ADGRB1: variants seen among roughly 807,000 people sequenced by gnomAD.
ADGRB1 encodes brain-specific angiogenesis inhibitor 1.
In ADGRB1, 36 loss-of-function variants were observed where a neutral mutation model predicts 175.7. The observed-to-expected ratio is 0.20, with a 90% CI of 0.16 to 0.27. The LOEUF is 0.27. Among genes scored for constraint, ADGRB1 ranks in the 10% least tolerant of loss-of-function variants. The probability of loss-of-function intolerance (pLI) is 1.00; values close to 1 mark genes in which losing one functional copy is unlikely to be tolerated. For missense variants in ADGRB1, 1,731 were observed against 2,255.3 expected (o/e 0.77, Z 4.71); for synonymous variants, 1,054 against 979.4 (o/e 1.08, Z -1.42).
intron 27 of ADGRB1, among the ~76,000 whole-genome samples, chr8:142,541,740 A>AC (rs1845282348): frequency 6.6e-6 from 1 of 151,990 alleles, no homozygotes. Context: ...GGACACAGGA[A>AC]CCCTAGGGGC....
rs1845390490 is a variant in ADGRB1 at position 142,543,313 on chromosome 8, G to T, written c.4414-90G>T. 6.5e-7 allele frequency: 1 copy of T among 1,543,146 alleles called. No individual in the cohort carries two copies. ...CCCTGAAGGCAGGCATGGGGCGAGT[G>T]AGTCCCTGATGCCCTCAGTCTGAGG... On this transcript the variant is annotated intron_variant, in intron 28 of 30. Transcript: ENST00000517894. This position sits in a 1 kb window ranked among gnomAD's most constrained non-coding sequence, Gnocchi z 4.4.
intron 24 of ADGRB1, among the ~76,000 whole-genome samples, chr8:142,530,231 C>T (rs553469041): frequency 5.3e-5 from 8 of 151,344 alleles, no homozygotes; most frequent in South Asian, 2.1e-4. Context: ...TGTGTGAATG[C>T]GTGTGTGTGT....
chr8:142,461,055 G>C (rs1031829200), intron 1 of ADGRB1, among the ~76,000 whole-genome samples: 1 of 152,224 alleles, frequency 6.6e-6, no homozygotes, highest in Non-Finnish European at 1.5e-5. Flanking sequence ...CAGGGCCCTA[G>C]GGGATGCCAG....
At chr8:142,489,197 A>G (rs1841863987) in intron 15 of ADGRB1, 87 bp downstream of exon 15, 5 of 1,546,756 alleles carry the variant, frequency 3.2e-6, no homozygotes, top group Non-Finnish European at 4.4e-6. Flanking sequence ...GGGGGAGGCC[A>G]GGGGGCCTGG....
chr8:142,530,456 G>T lies in ADGRB1; in HGVS notation c.3399-2839G>T, dbSNP rs191354050. On this transcript the variant is annotated intron_variant, in intron 24 of 30. Coordinates refer to ENST00000517894, the MANE Select transcript of ADGRB1 (RefSeq NM_001702.3). The stretch of plus-strand genomic sequence containing the variant: ...CCTGCCTCCCTCAACCCAAGGTGAG[G>T]GTGGTGCGCCCAGGTGCATACCCCT... Among the ~76,000 whole-genome samples the T allele has an allele frequency of 3.8e-3, 576 of 152,264 alleles. 1 individual carries two copies. Among genetic ancestry groups the T allele is most frequent in the Non-Finnish European group, 5.1e-3 (346 of 68,000 alleles).
At position 142,454,722 on chromosome 8, in the gene ADGRB1, C is replaced by G. The variant is rs563291130; in HGVS notation, c.-220+4618C>G. Among the ~76,000 whole-genome samples the G allele has an allele frequency of 4.6e-5, 7 of 152,238 alleles. No homozygotes were observed. In the South Asian group the frequency reaches 1.2e-3, roughly 27 times the overall value. On this transcript the variant is annotated intron_variant, in intron 1 of 30. Coordinates refer to ENST00000517894, the MANE Select transcript of ADGRB1 (RefSeq NM_001702.3). ...GTTAAGGTGAGGATCCCCCTTCCCC[C>G]GCAAAGCACATGCCACTGAGGAGGC...
chr8:142,537,834 C>T lies in ADGRB1; in HGVS notation c.3666+752C>T, dbSNP rs1845029215. Among the ~76,000 whole-genome samples the T allele has an allele frequency of 6.6e-6, 1 of 152,192 alleles. No individual in the cohort carries two copies. On this transcript the variant is annotated intron_variant, in intron 26 of 30. Transcript: ENST00000517894. This position sits in a 1 kb window ranked among gnomAD's most constrained non-coding sequence, Gnocchi z 4.6. ...GTGGAGCCTCAACTCTTCCACACCT[C>T]GACCTCAGCATCTTCCTCCTGCAGC...
Position 142,455,431 on chromosome 8 carries a change from A to G in ADGRB1, c.-220+5327A>G, listed in dbSNP as rs1839615722. On this transcript the variant is annotated intron_variant, in intron 1 of 30. Coordinates refer to ENST00000517894, the MANE Select transcript of ADGRB1 (RefSeq NM_001702.3). The surrounding 1 kb of genome is among the most constrained non-coding windows in gnomAD (Gnocchi z 4.9). ...GGCTTGGTCAGGGGAAGGGCACGAC[A>G]GAAGTCCTCTCTGCAGCTTCGCTGT... is the stretch of plus-strand genomic sequence containing the variant. 6.6e-6 allele frequency among the ~76,000 whole-genome samples: 1 copy of G among 152,084 alleles called. No homozygotes were observed.
At chr8:142,486,798 C>T (rs935718955) in intron 13 of ADGRB1, among the ~76,000 whole-genome samples, 1 of 152,192 alleles carries the variant, frequency 6.6e-6, no homozygotes, top group East Asian at 1.9e-4. Context: ...GCAGGAGGAT[C>T]GCTTGAGCCC....
rs887285555 is a variant in ADGRB1 at position 142,510,211 on chromosome 8, C to T, written c.2676-721C>T. ...AACAAGTCCTGTGCTTAAATGCGTG[C>T]TCAGATGAAAAGCGGGGCAGTCGCG... On this transcript the variant is annotated intron_variant, in intron 17 of 30. Coordinates refer to ENST00000517894, the MANE Select transcript of ADGRB1 (RefSeq NM_001702.3). The surrounding 1 kb of genome is among the most constrained non-coding windows in gnomAD (Gnocchi z 6.3). Among the ~76,000 whole-genome samples the T allele has an allele frequency of 6.6e-6, 1 of 152,148 alleles. No homozygotes were observed. The highest frequency in any genetic ancestry group is 2.4e-5 in the African/African-American group (1 of 41,448).
rs923151639 is a variant in ADGRB1 at position 142,492,011 on chromosome 8, C to T, written c.2675+1196C>T. Among the ~76,000 whole-genome samples, 12 of 151,936 alleles carry T rather than the reference C, an allele frequency of 7.9e-5. No individual in the cohort carries two copies. Among genetic ancestry groups the T allele is most frequent in the Admixed American group, 4.6e-4 (7 of 15,260 alleles). ...AGGCAGGCAGGGGCTCAGGGGAGGC[C>T]GCGGCAGGGTGAGGACAGTTAGTGG... On this transcript the variant is annotated intron_variant, in intron 17 of 30. Transcript: ENST00000517894. The surrounding 1 kb of genome is among the most constrained non-coding windows in gnomAD (Gnocchi z 4.4).
At chr8:142,465,004 C>G in intron 2 of ADGRB1, 22 bp downstream of exon 2, 1 of 1,364,032 alleles carries the variant, frequency 7.3e-7, no homozygotes, top group Non-Finnish European at 9.5e-7. Flanking sequence ...GCGGGGAAAC[C>G]TTCGGACAGG....
rs149224782 is a variant in ADGRB1 at position 142,470,098 on chromosome 8, C to T, written c.784+5116C>T. On this transcript the variant is annotated intron_variant, in intron 2 of 30. Coordinates refer to ENST00000517894, the MANE Select transcript of ADGRB1 (RefSeq NM_001702.3). ...CCAAGTGCCACATGGCCACGTCACG[C>T]GTCAGACTCTGCAAACACTCCTCAG... Among the ~76,000 whole-genome samples, 949 of 152,304 alleles carry T rather than the reference C, an allele frequency of 6.2e-3. 4 individuals carry two copies. The highest frequency in any genetic ancestry group is 9.7e-3 in the Non-Finnish European group (662 of 68,024).
Position 142,479,784 on chromosome 8 carries a change from C to G in ADGRB1, c.1818C>G (p.Arg606=), listed in dbSNP as rs1841230441. 6.2e-7 allele frequency: 1 copy of G among 1,611,462 alleles called. No homozygotes were observed. Residue 606 remains arginine (R), a synonymous_variant, in exon 9 of 31, where the codon CGC becomes CGG. Transcript: ENST00000517894. ...AGGTGGCTGCTGTCCGGTGTCCCCG[C>G]AACGCCACAGGTGAGGGCTGGAGAG... ...AGEVAAVRCP[R]NATGLILRRC... is the part of the protein sequence containing the mutation.
Position 142,542,082 on chromosome 8 carries a change from T to G in ADGRB1, c.3848T>G (p.Val1283Gly). The change falls in exon 28 of 31, where the codon GTG (valine) becomes GGG (glycine). Residue 1283 changes from valine to glycine, a missense_variant. This residue lies in a region of ADGRB1 where 301 missense variants were observed against 488.4 expected (regional missense o/e 0.62). Coordinates refer to ENST00000517894, the MANE Select transcript of ADGRB1 (RefSeq NM_001702.3). This position sits in a 1 kb window ranked among gnomAD's most constrained non-coding sequence, Gnocchi z 6.3. ...AATTTCAACAGCCTGCCGGCCAACG[T>G]GTCCAAGCTGCACCTGCACGGCTCA... Reference protein sequence around the residue: ...PTNFNSLPANVSKLHLHGSPR... With the variant: ...PTNFNSLPANGSKLHLHGSPR... 6.2e-7 allele frequency: 1 copy of G among 1,613,116 alleles called. No individual in the cohort carries two copies. Among genetic ancestry groups the G allele is most frequent in the Non-Finnish European group, 8.5e-7 (1 of 1,179,778 alleles).
intron 17 of ADGRB1, among the ~76,000 whole-genome samples, chr8:142,498,934 G>C (rs1241843475): frequency 6.6e-6 from 1 of 152,180 alleles, no homozygotes; most frequent in Non-Finnish European, 1.5e-5. Context: ...CTGTGCCACT[G>C]CCTCCCCGGG....
At chr8:142,532,611 C>T (rs1333232416) in intron 24 of ADGRB1, among the ~76,000 whole-genome samples, 3 of 152,170 alleles carry the variant, frequency 2.0e-5, no homozygotes, top group Admixed American at 1.3e-4. Flanking sequence ...TGTCTCTCCT[C>T]TGCTCCTCCC....
Position 142,492,286 on chromosome 8 carries a change from G to A in ADGRB1, c.2675+1471G>A, listed in dbSNP as rs1046450339. 2.6e-5 allele frequency among the ~76,000 whole-genome samples: 4 copies of A among 152,058 alleles called. No homozygotes were observed. Among genetic ancestry groups the A allele is most frequent in the African/African-American group, 9.7e-5 (4 of 41,390 alleles). On this transcript the variant is annotated intron_variant, in intron 17 of 30. Coordinates refer to ENST00000517894, the MANE Select transcript of ADGRB1 (RefSeq NM_001702.3). This position sits in a 1 kb window ranked among gnomAD's most constrained non-coding sequence, Gnocchi z 4.4. ...CACTGCTCACCACCCTTCCTCCGGC[G>A]GTCACTACCCTCTGATGGGCACTAT...
rs1185876653 is a variant in ADGRB1 at position 142,543,269 on chromosome 8, C to G, written c.4414-134C>G. 2.5e-6 allele frequency: 3 copies of G among 1,187,638 alleles called. No homozygotes were observed. The highest frequency in any genetic ancestry group is 3.6e-6 in the Non-Finnish European group (3 of 829,412). The allele number at this position is 1,187,638 out of a possible 1,614,324, so 73.6% of individuals were successfully genotyped here. ...TGCCTCAGTGCGCCCCCAGGCATGT[C>G]CCCTGGGTCTGGCCTGGTCCCTGAA... On this transcript the variant is annotated intron_variant, in intron 28 of 30. Coordinates refer to ENST00000517894, the MANE Select transcript of ADGRB1 (RefSeq NM_001702.3). This position sits in a 1 kb window ranked among gnomAD's most constrained non-coding sequence, Gnocchi z 4.4.
Sources: gnomAD v4.1 joint callset for allele counts (sites outside exome capture counted in the v4.1 genomes callset) on GRCh38, gnomAD v4.1.1 for gene constraint, gnomAD v4.1.1 regional missense constraint, Gnocchi (gnomAD v3.1) non-coding constraint, MANE v1.5 for transcripts, NCBI Gene and HGNC (gene_info 2026-07-23, HGNC 2026-07-21) for gene names.